Variants in STK32B observed in about 807,000 individuals in gnomAD.
The protein encoded by STK32B is serine/threonine kinase 32B.
Under a neutral mutation model 52.6 loss-of-function variants are expected in STK32B, and 43 were observed. The ratio of observed to expected loss-of-function variants is 0.82; its 90% CI spans 0.64 to 1.05. The LOEUF is 1.05. Ranked by LOEUF, STK32B falls within the 50% of genes least tolerant of loss-of-function variation. The pLI is 0.00. For missense variants in STK32B, 621 were observed against 534.6 expected (o/e 1.16, Z -1.59); for synonymous variants, 238 against 204.3 (o/e 1.17, Z -1.41).
chr4:5,279,455 T>C, intron 3 of STK32B, among the ~76,000 whole-genome samples: 1 of 152,186 alleles, frequency 6.6e-6, no homozygotes, highest in East Asian at 1.9e-4. Flanking sequence ...AGCCTCTGGC[T>C]CTGTGGCTAT....
intron 2 of STK32B, among the ~76,000 whole-genome samples, chr4:5,149,162 C>T (rs577293784): frequency 5.5e-4 from 83 of 151,908 alleles, no homozygotes; most frequent in South Asian, 1.5e-3. Flanking sequence ...GCCGTTCTAA[C>T]CTACTTATGC....
Position 5,453,022 on chromosome 4 carries a change from C to T in STK32B, c.667-3785C>T, listed in dbSNP as rs1307207788. Among the ~76,000 whole-genome samples the T allele has an allele frequency of 1.3e-5, 2 of 152,210 alleles. No individual in the cohort carries two copies. The highest frequency in any genetic ancestry group is 2.1e-4 in the South Asian group (1 of 4,820). On this transcript the variant is annotated intron_variant, in intron 7 of 11. Coordinates refer to ENST00000282908, the MANE Select transcript of STK32B (RefSeq NM_018401.3). The surrounding 1 kb of genome is among the most constrained non-coding windows in gnomAD (Gnocchi z 4.0). ...GCCAGTCATCTTATAAAAGAACCTA[C>T]GTTTCTCTACAACCACTCAAACAGA...
chr4:5,490,740 C>T (rs1719655599), intron 11 of STK32B, among the ~76,000 whole-genome samples: 2 of 151,958 alleles, frequency 1.3e-5, no homozygotes. Context: ...CACCCCACAA[C>T]AGTCTCCAGA....
chr4:5,310,806 A>G (rs543829421), intron 3 of STK32B, among the ~76,000 whole-genome samples: 1 of 152,344 alleles, frequency 6.6e-6, no homozygotes, highest in East Asian at 1.9e-4. Context: ...CCACAAATAG[A>G]TGAATGGATA....
chr4:5,493,437 T>TG (rs1170568425), intron 11 of STK32B, among the ~76,000 whole-genome samples: 2 of 152,196 alleles, frequency 1.3e-5, no homozygotes, highest in Non-Finnish European at 2.9e-5. Flanking sequence ...CCTTTTATCA[T>TG]TTTTTATTGC....
At chr4:5,486,771 A>T (rs1192282001) in intron 11 of STK32B, among the ~76,000 whole-genome samples, 1 of 152,188 alleles carries the variant, frequency 6.6e-6, no homozygotes, top group Non-Finnish European at 1.5e-5. Context: ...TTTATTTGGG[A>T]GGAAAGAATT....
At chr4:5,041,666 A>G in the STK32B span, among the ~76,000 whole-genome samples, 1 of 152,162 alleles carries the variant, frequency 6.6e-6, no homozygotes, top group Admixed American at 6.6e-5. Flanking sequence ...AAAGACTCTT[A>G]ACAATAAAAG....
At chr4:5,194,641 G>T (rs1415355144) in intron 3 of STK32B, among the ~76,000 whole-genome samples, 1 of 152,064 alleles carries the variant, frequency 6.6e-6, no homozygotes, top group Non-Finnish European at 1.5e-5. Flanking sequence ...TGTGTATTAG[G>T]CAGTTCTCTC....
At chr4:5,111,540 A>G (rs1483892403) in intron 1 of STK32B, among the ~76,000 whole-genome samples, 1 of 152,120 alleles carries the variant, frequency 6.6e-6, no homozygotes, top group Non-Finnish European at 1.5e-5. Context: ...ACATGTTCTC[A>G]CTTATAAGTG....
chr4:5,464,686 C>T (rs986652669), intron 9 of STK32B, among the ~76,000 whole-genome samples: 1 of 152,158 alleles, frequency 6.6e-6, no homozygotes, highest in South Asian at 2.1e-4. Flanking sequence ...CAGCTTCACA[C>T]CAGTCCTGGG....
chr4:5,149,084 TAAAACGCTGTGTA>T (rs1405657564), intron 2 of STK32B, among the ~76,000 whole-genome samples: 1 of 151,852 alleles, frequency 6.6e-6, no homozygotes, highest in Admixed American at 6.6e-5. Flanking sequence ...TTTATTTTCT[TAAAACGCTGTGTA>T]AAGTTGGTGT....
intron 11 of STK32B, among the ~76,000 whole-genome samples, chr4:5,483,271 TA>T (rs1323549773): frequency 2.0e-5 from 3 of 151,682 alleles, no homozygotes; most frequent in African/African-American, 4.9e-5. Flanking sequence ...CAGAGCCTGT[TA>T]TTGGTCTATT....
At chr4:5,029,410 G>A in the STK32B span, among the ~76,000 whole-genome samples, 1 of 152,150 alleles carries the variant, frequency 6.6e-6, no homozygotes, top group Admixed American at 6.5e-5. Flanking sequence ...TTTCAGGTGT[G>A]GAAAACATTC....
intron 3 of STK32B, among the ~76,000 whole-genome samples, chr4:5,286,794 C>CTTTTT (rs60300816): frequency 6.2e-5 from 7 of 113,256 alleles, no homozygotes; most frequent in African/African-American, 2.0e-4. Context: ...TACAGATGTA[C>CTTTTT]TTTTTTTTTT....
chr4:5,492,886 T>G (rs1397323457), intron 11 of STK32B, among the ~76,000 whole-genome samples: 7 of 150,910 alleles, frequency 4.6e-5, no homozygotes, highest in African/African-American at 1.5e-4. Flanking sequence ...ATTTATTGAT[T>G]TGCGTATATT....
intron 3 of STK32B, among the ~76,000 whole-genome samples, chr4:5,205,685 C>T (rs1262299506): frequency 1.4e-5 from 2 of 144,236 alleles, no homozygotes; most frequent in African/African-American, 5.2e-5. Flanking sequence ...GTTGACAGTT[C>T]TAGACCAGGC....
At chr4:5,105,799 G>A (rs550428291) in intron 1 of STK32B, among the ~76,000 whole-genome samples, 4 of 151,878 alleles carry the variant, frequency 2.6e-5, no homozygotes, top group Non-Finnish European at 4.4e-5. Flanking sequence ...TCCTGACCTA[G>A]TGATCCACCC....
intron 3 of STK32B, among the ~76,000 whole-genome samples, chr4:5,315,685 T>TTTC (rs1553870161): frequency 5.9e-5 from 7 of 119,214 alleles, no homozygotes; most frequent in African/African-American, 2.6e-4. Context: ...TCTTTTTCTT[T>TTTC]TTTTTTTTTT....
At chr4:5,498,535 T>C (rs994597944) in intron 11 of STK32B, among the ~76,000 whole-genome samples, 7 of 152,172 alleles carry the variant, frequency 4.6e-5, no homozygotes, top group African/African-American at 7.2e-5. Flanking sequence ...GCTGGTACAC[T>C]CGTGAGCATT....
Sources: gnomAD v4.1 joint callset for allele counts (sites outside exome capture counted in the v4.1 genomes callset) on GRCh38, gnomAD v4.1.1 for gene constraint, Gnocchi (gnomAD v3.1) non-coding constraint, MANE v1.5 for transcripts, NCBI Gene and HGNC (gene_info 2026-07-23, HGNC 2026-07-21) for gene names.